KDM5C: variants seen among roughly 807,000 people sequenced by gnomAD.
KDM5C encodes the protein lysine-specific demethylase 5C.
In KDM5C, 16 loss-of-function variants were observed where a neutral mutation model predicts 110.6. The observed-to-expected ratio is 0.14, with a 90% confidence interval of 0.10 to 0.22. The LOEUF (loss-of-function observed/expected upper bound fraction) is 0.22, where lower values mean the gene tolerates loss of function less well. Among genes scored for constraint, KDM5C ranks in the 10% least tolerant of loss-of-function variants. KDM5C has a pLI of 1.00. For missense variants in KDM5C, 681 were observed against 1,300.9 expected (o/e 0.52, Z 7.33); for synonymous variants, 511 against 520.4 (o/e 0.98, Z 0.24).
At chrX:53,196,571 TACAGTAAC>T in intron 19 of KDM5C, 107 bp downstream of exon 19, 1 of 595,133 alleles carries the variant, frequency 1.7e-6, no homozygotes, top group Admixed American at 2.7e-5. Context: ...GGAGAGTCAA[TACAGTAAC>T]ACAGGAGCGT....
downstream of KDM5C, chrX:53,191,295 A>G (rs1238554440): frequency 5.9e-6 from 1 of 170,875 alleles, no homozygotes; most frequent in East Asian, 8.4e-5. Context: ...CCACTTTGCT[A>G]AGTGAAAGAA....
chrX:53,178,821 G>A (rs781907807), intron 25 of KDM5C, among the ~76,000 whole-genome samples: 14 of 112,222 alleles, frequency 1.2e-4, no homozygotes, highest in African/African-American at 4.2e-4. Context: ...ACTGTCACCC[G>A]GGTGTGATGG....
In KDM5C at chrX:53,210,233, G is replaced by T. The variant is rs6654691; in HGVS notation, c.1746+181C>A. 4.4e-3 allele frequency among the ~76,000 whole-genome samples: 492 copies of T among 112,384 alleles called. 5 individuals carry two copies. Among genetic ancestry groups the T allele is most frequent in the African/African-American group, 0.015 (475 of 30,925 alleles). On this transcript the variant is annotated intron_variant, in intron 12 of 25. Coordinates refer to ENST00000375401, the MANE Select transcript of KDM5C (RefSeq NM_004187.5). Reference sequence around the variant, plus strand: ...GGCCCAGAGGGCATACCATCATACGGTGCATCTAATCACTATTATTTTGGG... The same window carrying T: ...GGCCCAGAGGGCATACCATCATACGTTGCATCTAATCACTATTATTTTGGG...
downstream of KDM5C, among the ~76,000 whole-genome samples, chrX:53,189,774 T>G (rs1183073726): frequency 5.3e-5 from 6 of 112,960 alleles, no homozygotes; most frequent in East Asian, 1.7e-3. Flanking sequence ...GGAGACAGAC[T>G]GAGGCCTGGG....
chrX:53,216,074 C>G lies in KDM5C; in HGVS notation c.781G>C (p.Asp261His). The change falls in exon 6 of 26, where the codon GAT (aspartate) becomes CAT (histidine). Residue 261 changes from aspartate to histidine, a missense_variant and splice_region_variant. Asp to His is a moderately conservative substitution (Grantham distance 81). This residue lies in a region of KDM5C where 71 missense variants were observed against 115.0 expected (regional missense o/e 0.62). Transcript: ENST00000375401. ...MAKDKTLRKK[D>H]KEGPECPPTV... ...GCCACCCCAGCCTGTTAGGCCTTAC[C>G]TTTCTTCCGCAGAGTCTTGTCTTTG... is the stretch of plus-strand genomic sequence containing the variant. 1 of 1,212,426 alleles carries G rather than the reference C, an allele frequency of 8.2e-7. No individual in the cohort carries two copies. Among genetic ancestry groups the G allele is most frequent in the Non-Finnish European group, 1.1e-6 (1 of 895,663 alleles).
intron 12 of KDM5C, among the ~76,000 whole-genome samples, chrX:53,207,312 C>T (rs1389487779): frequency 1.8e-5 from 2 of 110,355 alleles, no homozygotes; most frequent in African/African-American, 6.6e-5. Context: ...GTAATTGGCA[C>T]ACAAAAGTAT....
At chrX:53,182,974 T>A (rs1240541130) in intron 25 of KDM5C, among the ~76,000 whole-genome samples, 1 of 111,475 alleles carries the variant, frequency 9.0e-6, no homozygotes, top group Non-Finnish European at 1.9e-5. Flanking sequence ...TTTTAGGACT[T>A]AAATTTAGGT....
chrX:53,192,158 T>A lies in KDM5C; in HGVS notation c.*809A>T. The stretch of plus-strand genomic sequence containing the variant: ...AAGAGAAATGCACTTCAGAAACATG[T>A]TTCCAAAAAATGTTTCTAAGGGTTT... On this transcript the variant is annotated 3_prime_UTR_variant, in exon 26 of 26. Coordinates refer to ENST00000375401, the MANE Select transcript of KDM5C (RefSeq NM_004187.5). 1 of 175,686 alleles carries A rather than the reference T, an allele frequency of 5.7e-6. No individual in the cohort carries two copies. Among genetic ancestry groups the A allele is most frequent in the Non-Finnish European group, 1.1e-5 (1 of 91,478 alleles). The allele number at this position is 175,686 out of a possible 1,213,427, so 14.5% of individuals were successfully genotyped here. A position where few individuals can be genotyped will look rare whatever the true frequency, so the allele number is the denominator to read the frequency against.
chrX:53,220,960 T>C (rs369992977), intron 1 of KDM5C, 44 bp from the exon 2 acceptor site: 2 of 1,096,195 alleles, frequency 1.8e-6, no homozygotes, highest in African/African-American at 3.7e-5. Context: ...TATCTCAGCA[T>C]AGTGTAAGAC....
chrX:53,187,479 A>C (rs1556828470), downstream of KDM5C, among the ~76,000 whole-genome samples: 1 of 112,152 alleles, frequency 8.9e-6, no homozygotes, highest in Non-Finnish European at 1.9e-5. Flanking sequence ...CAGAGTTGTT[A>C]GTTATAGACC....
intron 19 of KDM5C, 71 bp from the exon 20 acceptor site, chrX:53,196,125 A>G (rs1934832821): frequency 8.9e-7 from 1 of 1,120,903 alleles, no homozygotes. Context: ...CCTGACCACC[A>G]GATATATCTG....
downstream of KDM5C, among the ~76,000 whole-genome samples, chrX:53,186,833 T>G (rs782370393): frequency 8.9e-6 from 1 of 112,197 alleles, no homozygotes; most frequent in Admixed American, 9.4e-5. Flanking sequence ...CACTGTTTCA[T>G]GAGTAGTTTT....
At position 53,199,012 on chromosome X, in the gene KDM5C, A is replaced by G; in HGVS notation, c.2208T>C (p.Asp736=). ...DGLVCLSHIN[D]LCKCSSSRQY... is the part of the protein sequence containing the mutation. Reference sequence around the variant, plus strand: ...GCCGGCTACTGGAGCACTTGCAGAGATCATTGATGTGGGAAAGGCAGACAA... The same window carrying G: ...GCCGGCTACTGGAGCACTTGCAGAGGTCATTGATGTGGGAAAGGCAGACAA... Residue 736 remains aspartate (D), a synonymous_variant, in exon 15 of 26, where the codon GAT becomes GAC. Coordinates refer to ENST00000375401, the MANE Select transcript of KDM5C (RefSeq NM_004187.5). The G allele has an allele frequency of 8.3e-7, 1 of 1,211,914 alleles. No homozygotes were observed. The highest frequency in any genetic ancestry group is 1.1e-6 in the Non-Finnish European group (1 of 895,565).
At chrX:53,194,803 C>A (rs1187599631) in intron 22 of KDM5C, 65 bp from the exon 23 acceptor site, 4 of 1,192,790 alleles carry the variant, frequency 3.4e-6, no homozygotes, top group African/African-American at 3.6e-5. Context: ...CTGGGCCCCC[C>A]CTTAACACCC....
At position 53,198,460 on chromosome X, in the gene KDM5C, T is replaced by C. The variant is rs782781573; in HGVS notation, c.2516+30A>G. ...TCGGTGCTGGATCCTCAGCACCTTA[T>C]GTGTGCCCTAACTCCTCACGCTGTC... On this transcript the variant is annotated intron_variant, in intron 17 of 25. Coordinates refer to ENST00000375401, the MANE Select transcript of KDM5C (RefSeq NM_004187.5). 1.4e-5 allele frequency: 17 copies of C among 1,190,135 alleles called. No homozygotes were observed. The South Asian group carries it at 2.8e-4, about 19-fold the overall frequency.
intron 4 of KDM5C, 95 bp from the exon 5 acceptor site, chrX:53,217,372 T>C: frequency 9.5e-7 from 1 of 1,048,574 alleles, no homozygotes; most frequent in Non-Finnish European, 1.3e-6. Context: ...TCCAAAGCTG[T>C]GGTCCACTCA....
chrX:53,192,703 C>T lies in KDM5C; in HGVS notation c.*264G>A. The stretch of plus-strand genomic sequence containing the variant: ...GCCACCCCCCTGCCCACCAGCCCAT[C>T]CATCTATCTGCCTCAGGTGTCTGGG... On this transcript the variant is annotated 3_prime_UTR_variant, in exon 26 of 26. Coordinates refer to ENST00000375401, the MANE Select transcript of KDM5C (RefSeq NM_004187.5). 1 of 1,103,337 alleles carries T rather than the reference C, an allele frequency of 9.1e-7. No homozygotes were observed. The highest frequency in any genetic ancestry group is 1.2e-6 in the Non-Finnish European group (1 of 818,967). 90.9% of individuals were successfully genotyped at this position (1,103,337 alleles called of 1,213,427 possible).
chrX:53,196,185 G>A (rs1295070697), intron 19 of KDM5C, 131 bp from the exon 20 acceptor site: 2 of 749,218 alleles, frequency 2.7e-6, no homozygotes, highest in African/African-American at 2.1e-5. Context: ...GGGCCTACTT[G>A]CTTGTATTCC....
At chrX:53,224,091 G>C (rs1282353422) in intron 1 of KDM5C, among the ~76,000 whole-genome samples, 1 of 112,076 alleles carries the variant, frequency 8.9e-6, no homozygotes, top group Admixed American at 9.4e-5. Context: ...GTAAATATGA[G>C]TCAACCTACA....
Sources: allele counts gnomAD v4.1 joint callset (sites outside exome capture counted in the v4.1 genomes callset), GRCh38; gene constraint gnomAD v4.1.1; regional missense constraint gnomAD v4.1.1; transcripts MANE v1.5; gene names NCBI Gene and HGNC (gene_info 2026-07-23, HGNC 2026-07-21).